The following EYS variants were observed in gnomAD, a reference collection of about 807,000 sequenced individuals.
The protein encoded by EYS is EGF-like photoreceptor maintenance factor.
In EYS, 250 loss-of-function variants were observed where a neutral mutation model predicts 282.1. The ratio of observed to expected loss-of-function variants is 0.89; its 90% CI spans 0.80 to 0.98. The LOEUF is 0.98. Ranked by LOEUF, EYS falls within the 50% of genes least tolerant of loss-of-function variation. The probability of loss-of-function intolerance (pLI) is 0.00; values close to 1 mark genes in which losing one functional copy is unlikely to be tolerated. For missense variants in EYS, 4,016 were observed against 3,709.0 expected (o/e 1.08, Z -2.15); for synonymous variants, 1,355 against 1,282.9 (o/e 1.06, Z -1.20).
intron 12 of EYS, among the ~76,000 whole-genome samples, chr6:65,160,398 T>C (rs908701772): frequency 7.3e-5 from 11 of 150,992 alleles, no homozygotes; most frequent in African/African-American, 2.7e-4. Context: ...GTAACTGCTA[T>C]ATTCTATTGG....
intron 2 of EYS, among the ~76,000 whole-genome samples, chr6:65,515,624 C>A (rs983286527): frequency 5.3e-5 from 8 of 151,732 alleles, no homozygotes; most frequent in Middle Eastern, 6.8e-3. Flanking sequence ...AAAAATGATG[C>A]GTTCATGTCC....
rs556240139 is a variant in EYS, at chr6:65,390,128, T to C, written c.1185-5628A>G. ...GTGCAATTACAGGCATGATAACTTA[T>C]AGGATAAGACCATGGGAGATGGACT... On this transcript the variant is annotated intron_variant, in intron 7 of 42. Transcript: ENST00000503581. Among the ~76,000 whole-genome samples, 350 of 151,882 alleles carry C rather than the reference T, an allele frequency of 2.3e-3. 2 individuals carry two copies. The highest frequency in any genetic ancestry group is 8.0e-3 in the African/African-American group (332 of 41,398).
chr6:64,921,692 A>G (rs1307266591), intron 15 of EYS, among the ~76,000 whole-genome samples: 2 of 152,216 alleles, frequency 1.3e-5, no homozygotes, highest in African/African-American at 4.8e-5. Context: ...GTAAAGTATG[A>G]AGTAAAGTCA....
At chr6:64,082,742 AAAT>A (rs1406277793) in intron 31 of EYS, among the ~76,000 whole-genome samples, 10 of 152,146 alleles carry the variant, frequency 6.6e-5, no homozygotes, top group South Asian at 2.1e-4. Context: ...TTTGTATTTT[AAAT>A]AATCTCACAA....
intron 35 of EYS, among the ~76,000 whole-genome samples, chr6:63,938,579 C>T (rs1163445651): frequency 2.0e-5 from 3 of 152,172 alleles, no homozygotes; most frequent in African/African-American, 7.2e-5. Flanking sequence ...TGGTTTAATT[C>T]TCTTGGTTGA....
At position 63,984,499 on chromosome 6, in the gene EYS, T is replaced by C. The variant is rs932600050; in HGVS notation, c.6939A>G (p.Gln2313=). ...YGFRGCILDL[Q]VNNKEFFIID... is the part of the protein sequence containing the mutation. ...TGATGAAGAATTCTTTGTTGTTTAC[T>C]TGAAGGTCTAGAATGCAGCCCCTGA... The change falls in exon 35 of 43, where the codon CAA becomes CAG. Residue 2313 remains glutamine, a synonymous_variant. Transcript: ENST00000503581. 5.2e-6 allele frequency: 8 copies of C among 1,549,732 alleles called. No homozygotes were observed. In the African/African-American group the frequency reaches 5.5e-5, roughly 11 times the overall value.
intron 26 of EYS, among the ~76,000 whole-genome samples, chr6:64,491,645 T>C (rs1398509303): frequency 6.6e-6 from 1 of 151,010 alleles, no homozygotes; most frequent in Non-Finnish European, 1.5e-5. Flanking sequence ...TAAGTACCAT[T>C]ATCCTCTCTT....
chr6:63,894,945 A>C (rs1382356410), intron 35 of EYS, among the ~76,000 whole-genome samples: 1 of 151,978 alleles, frequency 6.6e-6, no homozygotes, highest in African/African-American at 2.4e-5. Context: ...GCCCCAGAAA[A>C]CTAATACAGC....
chr6:64,186,248 TAC>T (rs34727951), intron 31 of EYS, among the ~76,000 whole-genome samples: 12,357 of 146,790 alleles, frequency 0.084, 574 homozygotes, highest in African/African-American at 0.12. Flanking sequence ...ATGTGTGTTT[TAC>T]ACACACACAC....
chr6:64,662,561 T>C (rs935525308), intron 22 of EYS, among the ~76,000 whole-genome samples: 1 of 152,166 alleles, frequency 6.6e-6, no homozygotes, highest in Non-Finnish European at 1.5e-5. Flanking sequence ...TGAAATGCCT[T>C]TATTAAACTC....
At chr6:64,986,208 G>A (rs1370672900) in intron 14 of EYS, among the ~76,000 whole-genome samples, 1 of 151,322 alleles carries the variant, frequency 6.6e-6, no homozygotes, top group Admixed American at 6.6e-5. Flanking sequence ...TAGAAAAAAA[G>A]AAAAACTTTT....
chr6:64,417,459 C>T (rs1774092009), intron 28 of EYS, among the ~76,000 whole-genome samples: 1 of 152,006 alleles, frequency 6.6e-6, no homozygotes, highest in Non-Finnish European at 1.5e-5. Context: ...ACCATTTATA[C>T]CTTATCAAAA....
At chr6:64,956,610 C>T (rs1462365902) in intron 14 of EYS, among the ~76,000 whole-genome samples, 2 of 132,638 alleles carry the variant, frequency 1.5e-5, no homozygotes, top group Admixed American at 7.1e-5. Flanking sequence ...AAAGCTCCTG[C>T]ACAGCAAGGG....
At chr6:64,263,661 T>A (rs542831026) in intron 30 of EYS, among the ~76,000 whole-genome samples, 2 of 152,134 alleles carry the variant, frequency 1.3e-5, no homozygotes, top group African/African-American at 2.4e-5. Flanking sequence ...ATGGCTATAA[T>A]AAGTATTCCT....
chr6:65,599,667 G>A (rs1263787694), intron 2 of EYS, among the ~76,000 whole-genome samples: 2 of 151,996 alleles, frequency 1.3e-5, no homozygotes, highest in Admixed American at 1.3e-4. Context: ...AATATGAAAT[G>A]TTTATTCAGA....
chr6:65,283,114 C>G (rs1768269563), intron 12 of EYS, among the ~76,000 whole-genome samples: 1 of 151,700 alleles, frequency 6.6e-6, no homozygotes, highest in African/African-American at 2.4e-5. Context: ...TTCAACTACC[C>G]AAAGCAATAC....
intron 36 of EYS, among the ~76,000 whole-genome samples, chr6:63,854,204 C>A (rs1459328379): frequency 3.9e-5 from 6 of 152,292 alleles, no homozygotes; most frequent in Non-Finnish European, 5.9e-5. Flanking sequence ...GGAACCAAAC[C>A]AAATGCCCAT....
chr6:64,247,716 T>A (rs910910166), intron 30 of EYS, among the ~76,000 whole-genome samples: 1 of 152,142 alleles, frequency 6.6e-6, no homozygotes, highest in African/African-American at 2.4e-5. Flanking sequence ...AAATGCTGCA[T>A]ATGTACTAAT....
At chr6:64,497,115 T>A (rs1258458941) in intron 26 of EYS, among the ~76,000 whole-genome samples, 1 of 152,116 alleles carries the variant, frequency 6.6e-6, no homozygotes, top group African/African-American at 2.4e-5. Context: ...GGAGATGTAG[T>A]AACAGACACA....
Sources: gnomAD v4.1 joint callset for allele counts (sites outside exome capture counted in the v4.1 genomes callset) on GRCh38, gnomAD v4.1.1 for gene constraint, MANE v1.5 for transcripts, NCBI Gene and HGNC (gene_info 2026-07-23, HGNC 2026-07-21) for gene names.